METTL2A: variants seen among roughly 807,000 people sequenced by gnomAD.
METTL2A encodes the protein methyltransferase 2A, tRNA N3-cytidine.
A neutral mutation model predicts 49.4 loss-of-function variants in METTL2A; 45 were observed. The ratio of observed to expected loss-of-function variants is 0.91; its 90% CI spans 0.72 to 1.17. The LOEUF is 1.17. Ranked by LOEUF, METTL2A falls within the 50% of genes most tolerant of loss-of-function variation. The pLI, the probability that METTL2A is intolerant of heterozygous loss-of-function variation, is 0.00. For missense variants in METTL2A, 361 were observed against 462.2 expected, an observed-to-expected ratio of 0.78 and a Z score of 2.01; for synonymous variants, 118 against 167.5, an observed-to-expected ratio of 0.70 and a Z score of 2.28.
Position 62,450,247 on chromosome 17 carries a change from C to CATTTTTTTTTTTTTTT in METTL2A, c.*1518_*1519insATTTTTTTTTTTTTTT, listed in dbSNP as rs1396756918. ...TGTGATCATTATCAGTGTTAGATGC[C>CATTTTTTTTTTTTTTT]TTTTTTTTTTTTTTTTTTTTTTTTT... On this transcript the variant is annotated 3_prime_UTR_variant, in exon 9 of 9. Coordinates refer to ENST00000311506, the MANE Select transcript of METTL2A (RefSeq NM_181725.4). 1.9e-4 allele frequency: 15 copies of CATTTTTTTTTTTTTTT among 80,540 alleles called. 5 individuals carry two copies. The highest frequency in any genetic ancestry group is 8.5e-5 in the Non-Finnish European group (4 of 47,276). The allele number at this position is 80,540 out of a possible 1,614,324, so 5.0% of individuals were successfully genotyped here.
intron 4 of METTL2A, among the ~76,000 whole-genome samples, chr17:62,429,582 C>T (rs1332862949): frequency 1.3e-5 from 2 of 152,180 alleles, no homozygotes; most frequent in Non-Finnish European, 2.9e-5. Context: ...TGAGCCACCG[C>T]GCCCAGCCTG....
intron 6 of METTL2A, among the ~76,000 whole-genome samples, chr17:62,443,124 C>T (rs1299184016): frequency 6.6e-6 from 1 of 152,154 alleles, no homozygotes; most frequent in African/African-American, 2.4e-5. Flanking sequence ...TATAATCCCA[C>T]CACTTTGGGA....
chr17:62,440,660 A>G lies in METTL2A; in HGVS notation c.713A>G (p.His238Arg), dbSNP rs773706798. Reference protein sequence around the residue: ...YDPSRCFAFVHDLCDEEKSYP... With the variant: ...YDPSRCFAFVRDLCDEEKSYP... ...CCTTCTCGGTGTTTTGCCTTTGTTC[A>G]CGACCTGTGTGATGAAGAGAAGAGT... The change falls in exon 6 of 9, where the codon CAC (histidine) becomes CGC (arginine). Residue 238 changes from histidine (H) to arginine (R), a missense_variant. Physicochemically the swap from His to Arg is conservative, Grantham distance 29. Coordinates refer to ENST00000311506, the MANE Select transcript of METTL2A (RefSeq NM_181725.4). 6.8e-6 allele frequency: 11 copies of G among 1,613,934 alleles called. No individual in the cohort carries two copies. The African/African-American group carries it at 1.3e-4, about 20-fold the overall frequency.
chr17:62,434,294 C>T (rs2070686059), intron 4 of METTL2A, among the ~76,000 whole-genome samples: 1 of 152,182 alleles, frequency 6.6e-6, no homozygotes, highest in South Asian at 2.1e-4. Flanking sequence ...GCAAATGCTG[C>T]AGTTCCCCAG....
At chr17:62,433,901 A>G (rs2070682948) in intron 4 of METTL2A, among the ~76,000 whole-genome samples, 1 of 152,016 alleles carries the variant, frequency 6.6e-6, no homozygotes, top group South Asian at 2.1e-4. Flanking sequence ...GTCTCTACTA[A>G]AAATACAAAA....
At chr17:62,427,066 T>C (rs1245478755) in intron 3 of METTL2A, among the ~76,000 whole-genome samples, 1 of 152,158 alleles carries the variant, frequency 6.6e-6, no homozygotes, top group Non-Finnish European at 1.5e-5. Flanking sequence ...ATGGTGCCTG[T>C]TTCTTAGGCC....
intron 8 of METTL2A, among the ~76,000 whole-genome samples, chr17:62,448,129 AG>A (rs1429943014): frequency 1.3e-5 from 2 of 152,156 alleles, no homozygotes; most frequent in Non-Finnish European, 2.9e-5. Flanking sequence ...CCTGGGTTCT[AG>A]GGGTGCTGGG....
At chr17:62,431,784 G>A (rs1178339053) in intron 4 of METTL2A, among the ~76,000 whole-genome samples, 2 of 151,896 alleles carry the variant, frequency 1.3e-5, no homozygotes, top group Non-Finnish European at 2.9e-5. Flanking sequence ...GCAGTGGCAC[G>A]ATCTTGGCTC....
chr17:62,424,251 C>T lies in METTL2A; in HGVS notation c.143C>T (p.Ala48Val), dbSNP rs1360613092. 6.2e-7 allele frequency: 1 copy of T among 1,614,094 alleles called. No homozygotes were observed. Among genetic ancestry groups the T allele is most frequent in the South Asian group, 1.1e-5 (1 of 91,076 alleles). Residue 48 changes from alanine (A) to valine (V), a missense_variant, in exon 2 of 9, where the codon GCG becomes GTG. Ala to Val is a moderately conservative substitution (Grantham distance 64). Coordinates refer to ENST00000311506, the MANE Select transcript of METTL2A (RefSeq NM_181725.4). ...GTGGAGTGGTCGGAAGAGCAAGCCG[C>T]GGCGGCGGAGAGAAAAGTCCAGGAG... The part of the protein sequence containing the change: ...DNVEWSEEQA[A>V]AAERKVQENS...
chr17:62,452,149 G>C lies in METTL2A; in HGVS notation c.*3420G>C, dbSNP rs868511592. On this transcript the variant is annotated 3_prime_UTR_variant, in exon 9 of 9. Coordinates refer to ENST00000311506, the MANE Select transcript of METTL2A (RefSeq NM_181725.4). ...CTCCTTCAGTCTACGGGTTAGGCTTGCTTTTGCACCTTTGCATTTTAAGGT... is the reference window on the plus strand; with the variant it reads ...CTCCTTCAGTCTACGGGTTAGGCTTCCTTTTGCACCTTTGCATTTTAAGGT... Among the ~76,000 whole-genome samples, 1 of 152,234 alleles carries C rather than the reference G, an allele frequency of 6.6e-6. No individual in the cohort carries two copies. The highest frequency in any genetic ancestry group is 2.1e-4 in the South Asian group (1 of 4,834).
At chr17:62,445,660 G>A (rs1032264972) in intron 7 of METTL2A, among the ~76,000 whole-genome samples, 2 of 152,110 alleles carry the variant, frequency 1.3e-5, no homozygotes, top group African/African-American at 4.8e-5. Flanking sequence ...AGCTGGGCAT[G>A]GTGGCGCATG....
At chr17:62,447,521 T>C (rs541682324) in intron 7 of METTL2A, among the ~76,000 whole-genome samples, 180 bp from the exon 8 acceptor site, 5 of 152,274 alleles carry the variant, frequency 3.3e-5, no homozygotes, top group South Asian at 2.1e-4. Flanking sequence ...TGGAGTGGGG[T>C]GCTTAGGAAC....
At chr17:62,432,552 C>A (rs1207455369) in intron 4 of METTL2A, among the ~76,000 whole-genome samples, 1 of 152,120 alleles carries the variant, frequency 6.6e-6, no homozygotes, top group Non-Finnish European at 1.5e-5. Flanking sequence ...GTAATCCCAG[C>A]ACTTTGGGAG....
intron 7 of METTL2A, among the ~76,000 whole-genome samples, chr17:62,446,951 G>A (rs1239602662): frequency 2.0e-5 from 3 of 152,162 alleles, no homozygotes; most frequent in Admixed American, 6.6e-5. Context: ...GTAAACTGAG[G>A]TAAGGTCAGG....
intron 4 of METTL2A, 56 bp from the exon 5 acceptor site, chr17:62,435,176 G>T (rs2070691973): frequency 3.1e-6 from 5 of 1,613,314 alleles, no homozygotes; most frequent in Non-Finnish European, 3.4e-6. Flanking sequence ...ACAAGAATGA[G>T]AGTAGACATA....
At chr17:62,437,760 T>A (rs2070710582) in intron 5 of METTL2A, among the ~76,000 whole-genome samples, 1 of 149,662 alleles carries the variant, frequency 6.7e-6, no homozygotes, top group South Asian at 2.1e-4. Flanking sequence ...GATCACGAGG[T>A]CAGGAGTTCG....
At chr17:62,437,881 A>G (rs1378557922) in intron 5 of METTL2A, among the ~76,000 whole-genome samples, 6 of 152,100 alleles carry the variant, frequency 3.9e-5, no homozygotes, top group Non-Finnish European at 5.9e-5. Flanking sequence ...CTGAAGCAGA[A>G]GAATCGCTTG....
chr17:62,426,421 C>A lies in METTL2A; in HGVS notation c.325C>A (p.Gln109Lys). Reference sequence around the variant, plus strand: ...CCCTGAGCTGGCACCTAGCCAAAATCAAAATCATTTGAAGGACTGGTTCTT... The same window carrying A: ...CCCTGAGCTGGCACCTAGCCAAAATAAAAATCATTTGAAGGACTGGTTCTT... ...EFPELAPSQN[Q>K]NHLKDWFLEN... Residue 109 changes from glutamine to lysine, a missense_variant, in exon 3 of 9, where the codon CAA (glutamine) becomes AAA (lysine). Physicochemically the swap from Gln to Lys is moderately conservative, Grantham distance 53 (BLOSUM62 1). This residue lies in a region of METTL2A where 150 missense variants were observed against 170.1 expected (regional missense o/e 0.88). Transcript: ENST00000311506. 3 of 1,614,122 alleles carry A rather than the reference C, an allele frequency of 1.9e-6. No homozygotes were observed. Among genetic ancestry groups the A allele is most frequent in the Non-Finnish European group, 2.5e-6 (3 of 1,180,026 alleles).
intron 6 of METTL2A, among the ~76,000 whole-genome samples, chr17:62,442,226 C>T (rs927148710): frequency 2.6e-5 from 4 of 152,062 alleles, no homozygotes. Flanking sequence ...TCCTAAAATA[C>T]ACCATTAAAA....
Sources: allele counts gnomAD v4.1 joint callset (sites outside exome capture counted in the v4.1 genomes callset), GRCh38; gene constraint gnomAD v4.1.1; regional missense constraint gnomAD v4.1.1; transcripts MANE v1.5; gene names NCBI Gene and HGNC (gene_info 2026-07-23, HGNC 2026-07-21).